The following FAR1 variants were observed in gnomAD, a reference collection of about 807,000 sequenced individuals.
The protein encoded by FAR1 is fatty acyl-CoA reductase 1, also known as male sterility domain-containing protein 2.
Under a neutral mutation model 61.1 loss-of-function variants are expected in FAR1, and 22 were observed. The observed-to-expected ratio is 0.36, with a 90% confidence interval of 0.26 to 0.51. The LOEUF is 0.51. Ranked by LOEUF, FAR1 falls within the 20% of genes least tolerant of loss-of-function variation. The pLI, the probability that FAR1 is intolerant of heterozygous loss-of-function variation, is 0.95. For missense variants in FAR1, 359 were observed against 626.9 expected (o/e 0.57, Z 4.56); for synonymous variants, 206 against 209.7 (o/e 0.98, Z 0.15).
chr11:13,690,577 T>G (rs1848238365), intron 1 of FAR1, among the ~76,000 whole-genome samples: 2 of 152,226 alleles, frequency 1.3e-5, no homozygotes, highest in South Asian at 2.1e-4. Context: ...TTTCATTTTT[T>G]CTATATGGAT....
chr11:13,689,874 T>C (rs1334940041), intron 1 of FAR1, among the ~76,000 whole-genome samples: 1 of 49,546 alleles, frequency 2.0e-5, no homozygotes, highest in African/African-American at 7.5e-5. Context: ...CATTTCGATC[T>C]TTTTTTTTTT....
chr11:13,721,639 T>C lies in FAR1; in HGVS notation c.1128-91T>C. On this transcript the variant is annotated intron_variant, in intron 9 of 11. Transcript: ENST00000354817. The surrounding 1 kb of genome is among the most constrained non-coding windows in gnomAD (Gnocchi z 4.2). ...GTTATAATTTTAATACTAATGTCTA[T>C]ATTATAGGGGGAAACTTGCACCCTG... 1.1e-6 allele frequency: 1 copy of C among 949,426 alleles called. No homozygotes were observed. The highest frequency in any genetic ancestry group is 1.6e-6 in the Non-Finnish European group (1 of 629,922). 58.8% of individuals were successfully genotyped at this position (949,426 alleles called of 1,614,324 possible).
intron 1 of FAR1, among the ~76,000 whole-genome samples, chr11:13,672,404 A>G (rs913526466): frequency 3.3e-5 from 5 of 151,758 alleles, no homozygotes; most frequent in Admixed American, 3.3e-4. Context: ...AAAAAAAAAA[A>G]TTAGTTGGGC....
intron 1 of FAR1, among the ~76,000 whole-genome samples, chr11:13,689,654 A>G (rs1330504353): frequency 6.6e-6 from 1 of 152,164 alleles, no homozygotes; most frequent in East Asian, 1.9e-4. Context: ...TATATAATCA[A>G]GAGTGGAATT....
At position 13,727,538 on chromosome 11, in the gene FAR1, AT is replaced by A; in HGVS notation, c.1258-11del. 7 of 1,568,150 alleles carry A rather than the reference AT, an allele frequency of 4.5e-6. No homozygotes were observed. Among genetic ancestry groups the A allele is most frequent in the Admixed American group, 2.0e-5 (1 of 51,008 alleles). ...AAATTAGTCAAGAAAATAATCAGTAATTTTTTTGTTAACGTAGACCTTCAAT... is the reference window on the plus strand; with the variant it reads ...AAATTAGTCAAGAAAATAATCAGTAATTTTTTGTTAACGTAGACCTTCAAT... On this transcript the variant is annotated splice_polypyrimidine_tract_variant and intron_variant, in intron 10 of 11. Coordinates refer to ENST00000354817, the MANE Select transcript of FAR1 (RefSeq NM_032228.6).
At chr11:13,717,927 G>C (rs899917369) in intron 9 of FAR1, among the ~76,000 whole-genome samples, 1 of 151,774 alleles carries the variant, frequency 6.6e-6, no homozygotes, top group Non-Finnish European at 1.5e-5. Context: ...AATCTGACAT[G>C]ATTGCTTAAA....
chr11:13,721,477 C>G lies in FAR1; in HGVS notation c.1128-253C>G, dbSNP rs1193986671. 1 of 317,728 alleles carries G rather than the reference C, an allele frequency of 3.1e-6. No individual in the cohort carries two copies. Among genetic ancestry groups the G allele is most frequent in the Non-Finnish European group, 5.7e-6 (1 of 174,578 alleles). 19.7% of individuals were successfully genotyped at this position (317,728 alleles called of 1,614,324 possible). On this transcript the variant is annotated intron_variant, in intron 9 of 11. Coordinates refer to ENST00000354817, the MANE Select transcript of FAR1 (RefSeq NM_032228.6). The surrounding 1 kb of genome is among the most constrained non-coding windows in gnomAD (Gnocchi z 4.2). ...GAATTAATTCTGTATATCAGCAGAA[C>G]TCTGTTTAGGTGGTATTAAATGCAT...
chr11:13,720,619 T>C (rs1297064605), intron 9 of FAR1: 2 of 152,132 alleles, frequency 1.3e-5, no homozygotes, highest in Non-Finnish European at 2.9e-5. Context: ...AATTGTGTTA[T>C]CAGAAGTGCT....
At chr11:13,727,142 G>A (rs1050940926) in intron 10 of FAR1, among the ~76,000 whole-genome samples, 1 of 151,946 alleles carries the variant, frequency 6.6e-6, no homozygotes, top group Non-Finnish European at 1.5e-5. Flanking sequence ...GATGTCAGAA[G>A]TATTCTCCAG....
Position 13,694,801 on chromosome 11 carries a change from C to G in FAR1, c.36C>G (p.Asn12Lys). 1.2e-6 allele frequency: 2 copies of G among 1,613,706 alleles called. No individual in the cohort carries two copies. Among genetic ancestry groups the G allele is most frequent in the Non-Finnish European group, 1.7e-6 (2 of 1,179,782 alleles). The change falls in exon 2 of 12, where the codon AAC becomes AAG. Residue 12 changes from asparagine to lysine, a missense_variant. Asn to Lys is a moderately conservative substitution (Grantham distance 94). Transcript: ENST00000354817. ...VSIPEYYEGK[N>K]VLLTGATGFL... is the part of the protein sequence containing the mutation. ...TCCCAGAATACTATGAAGGCAAGAA[C>G]GTCCTCCTCACAGGAGCTACCGGTT...
intron 1 of FAR1, among the ~76,000 whole-genome samples, chr11:13,677,536 C>T (rs1378029821): frequency 1.3e-5 from 2 of 152,178 alleles, no homozygotes; most frequent in East Asian, 3.8e-4. Flanking sequence ...CTGGAAGGAT[C>T]ATTGACATCC....
chr11:13,706,497 TTTTA>T (rs1477784165), intron 3 of FAR1, among the ~76,000 whole-genome samples: 34 of 151,748 alleles, frequency 2.2e-4, no homozygotes, highest in African/African-American at 7.5e-4. Flanking sequence ...GTTTGTTTGT[TTTTA>T]TTTTTTTAAT....
intron 9 of FAR1, among the ~76,000 whole-genome samples, chr11:13,719,172 C>T (rs1410518829): frequency 1.3e-5 from 2 of 152,142 alleles, no homozygotes; most frequent in Admixed American, 1.3e-4. Context: ...ATATCATAGG[C>T]ACCTTTGGAA....
chr11:13,693,661 A>C (rs1848277816), intron 1 of FAR1, among the ~76,000 whole-genome samples: 1 of 152,094 alleles, frequency 6.6e-6, no homozygotes. Context: ...CATTTAGGAG[A>C]TTGGTAAAAA....
chr11:13,728,474 T>C, intron 11 of FAR1, 138 bp from the exon 12 acceptor site: 1 of 728,146 alleles, frequency 1.4e-6, no homozygotes, highest in Non-Finnish European at 2.3e-6. Flanking sequence ...TTACCTACAG[T>C]ATACTTAATG....
intron 1 of FAR1, chr11:13,685,763 A>C (rs1449466745): frequency 6.6e-6 from 1 of 152,228 alleles, no homozygotes; most frequent in African/African-American, 2.4e-5. Flanking sequence ...TGGCCCATCA[A>C]CTTTTAATGC....
At chr11:13,689,204 A>C (rs1340570512) in intron 1 of FAR1, among the ~76,000 whole-genome samples, 1 of 152,212 alleles carries the variant, frequency 6.6e-6, no homozygotes, top group African/African-American at 2.4e-5. Flanking sequence ...CAGAAAGTCC[A>C]TATATTCGAA....
intron 1 of FAR1, among the ~76,000 whole-genome samples, chr11:13,677,305 A>T (rs1436983637): frequency 6.6e-6 from 1 of 152,222 alleles, no homozygotes; most frequent in African/African-American, 2.4e-5. Flanking sequence ...TTGGAAACAG[A>T]TATTAAGAAT....
At chr11:13,673,638 C>T (rs975536851) in intron 1 of FAR1, among the ~76,000 whole-genome samples, 1 of 152,240 alleles carries the variant, frequency 6.6e-6, no homozygotes, top group African/African-American at 2.4e-5. Context: ...CTCTGTGACA[C>T]TGCCTCTAAA....
Sources: gnomAD v4.1 joint callset for allele counts (sites outside exome capture counted in the v4.1 genomes callset) on GRCh38, gnomAD v4.1.1 for gene constraint, Gnocchi (gnomAD v3.1) non-coding constraint, MANE v1.5 for transcripts, NCBI Gene and HGNC (gene_info 2026-07-23, HGNC 2026-07-21) for gene names.